The following BLK variants were observed in gnomAD, a reference collection of about 807,000 sequenced individuals.
The protein encoded by BLK is tyrosine-protein kinase Blk.
Under a neutral mutation model 61.8 loss-of-function variants are expected in BLK, and 64 were observed. That is an observed-to-expected ratio of 1.03 (90% CI 0.85 to 1.27). The LOEUF is 1.27. Ranked by LOEUF, BLK falls within the 50% of genes most tolerant of loss-of-function variation. The probability of loss-of-function intolerance (pLI) is 0.00; values close to 1 mark genes in which losing one functional copy is unlikely to be tolerated. For missense variants in BLK, 853 were observed against 660.5 expected (o/e 1.29, Z -3.19); for synonymous variants, 351 against 272.0 (o/e 1.29, Z -2.86).
chr8:11,548,109 C>T lies in BLK; in HGVS notation c.253C>T (p.Leu85=), dbSNP rs752039663. The T allele has an allele frequency of 4.3e-5, 69 of 1,613,300 alleles. 1 individual carries two copies. The South Asian group carries it at 7.1e-4, about 17-fold the overall frequency. The change falls in exon 4 of 13, where the codon CTA becomes TTA. Residue 85 remains leucine, a synonymous_variant. Transcript: ENST00000259089. Reference sequence around the variant, plus strand: ...CCTGCAGATGCTGAAGGGGGAGAAGCTACAGGTCCTGAAGGGGTGAGGTTC... The same window carrying T: ...CCTGCAGATGCTGAAGGGGGAGAAGTTACAGGTCCTGAAGGGGTGAGGTTC... ...RDLQMLKGEK[L]QVLKGTGDWW...
At chr8:11,540,826 C>A (rs35451117) in intron 1 of BLK, among the ~76,000 whole-genome samples, 20,661 of 148,506 alleles carry the variant, frequency 0.14, 1,621 homozygotes, top group East Asian at 0.25. Flanking sequence ...GAACAGATAA[C>A]CCCACTGTTA....
At chr8:11,555,050 G>A (rs1458853325) in intron 7 of BLK, among the ~76,000 whole-genome samples, 161 bp downstream of exon 7, 1 of 152,188 alleles carries the variant, frequency 6.6e-6, no homozygotes, top group East Asian at 1.9e-4. Flanking sequence ...ACCGGGAATT[G>A]GTGGCCCTAA....
chr8:11,555,968 C>G (rs1470162425), intron 8 of BLK: 5 of 292,918 alleles, frequency 1.7e-5, no homozygotes, highest in Non-Finnish European at 3.3e-5. Context: ...CCCTTCCCCC[C>G]CCCGCCCACC....
At chr8:11,531,965 T>C (rs1028136021) in intron 1 of BLK, among the ~76,000 whole-genome samples, 4 of 152,070 alleles carry the variant, frequency 2.6e-5, no homozygotes, top group African/African-American at 9.7e-5. Flanking sequence ...TTCAAGTGAT[T>C]CTTCTGCATC....
At position 11,554,086 on chromosome 8, in the gene BLK, C is replaced by T. The variant is rs146503468; in HGVS notation, c.473-657C>T. ...CATGGTACCCAAGTAGCTGGACAGA[C>T]GCATTTTATAAAAACATCAAGTTCA... On this transcript the variant is annotated intron_variant, in intron 6 of 12. Coordinates refer to ENST00000259089, the MANE Select transcript of BLK (RefSeq NM_001715.3). 5.5e-3 allele frequency: 862 copies of T among 155,434 alleles called. 6 individuals carry two copies. The highest frequency in any genetic ancestry group is 0.02 in the African/African-American group (815 of 41,556). 9.6% of individuals were successfully genotyped at this position (155,434 alleles called of 1,614,324 possible).
intron 6 of BLK, 45 bp downstream of exon 6, chr8:11,550,307 G>T (rs766430463): frequency 1.3e-6 from 2 of 1,585,100 alleles, no homozygotes; most frequent in South Asian, 1.1e-5. Context: ...TGCTCCTCCC[G>T]GGAAGGCGCC....
chr8:11,512,964 G>C (rs574378395), intron 1 of BLK, among the ~76,000 whole-genome samples: 124 of 152,332 alleles, frequency 8.1e-4, no homozygotes, highest in Non-Finnish European at 1.5e-3. Flanking sequence ...ACCGCGGCTG[G>C]TCAGATTATT....
chr8:11,507,023 C>A (rs941744778), intron 1 of BLK, among the ~76,000 whole-genome samples: 2 of 152,204 alleles, frequency 1.3e-5, no homozygotes, highest in African/African-American at 2.4e-5. Flanking sequence ...GGGAAAATAA[C>A]AAATAGGAGG....
chr8:11,506,155 G>T (rs1431375685), intron 1 of BLK, among the ~76,000 whole-genome samples: 1 of 152,210 alleles, frequency 6.6e-6, no homozygotes, highest in Non-Finnish European at 1.5e-5. Context: ...TCACGCAGAA[G>T]GTTACCAGCC....
At chr8:11,535,174 T>A (rs1005968131) in intron 1 of BLK, among the ~76,000 whole-genome samples, 11 of 126,894 alleles carry the variant, frequency 8.7e-5, no homozygotes, top group African/African-American at 3.3e-4. Flanking sequence ...GACAGACAGA[T>A]GAATGAAAGA....
chr8:11,513,132 AT>A (rs943780690), intron 1 of BLK, among the ~76,000 whole-genome samples: 81 of 152,246 alleles, frequency 5.3e-4, no homozygotes, highest in African/African-American at 1.9e-3. Flanking sequence ...CCTACTGTCC[AT>A]GCCCACGGCC....
At chr8:11,518,785 C>T (rs1400481887) in intron 1 of BLK, among the ~76,000 whole-genome samples, 2 of 152,172 alleles carry the variant, frequency 1.3e-5, no homozygotes, top group African/African-American at 4.8e-5. Flanking sequence ...CTCCTCTCAC[C>T]ATCCCTGGCT....
intron 6 of BLK, chr8:11,553,635 G>C (rs1243388370): frequency 1.1e-5 from 2 of 180,314 alleles, no homozygotes; most frequent in Non-Finnish European, 2.4e-5. Context: ...GCCAGGCTCG[G>C]GTTCCTTAGA....
chr8:11,534,252 AAAAGTTAAAAATTG>A (rs1432086874), intron 1 of BLK, among the ~76,000 whole-genome samples: 7 of 152,376 alleles, frequency 4.6e-5, no homozygotes, highest in African/African-American at 1.7e-4. Context: ...AAACAATGCA[AAAAGTTAAAAATTG>A]AAAAATAGGT....
intron 1 of BLK, among the ~76,000 whole-genome samples, chr8:11,499,319 G>A (rs147888868): frequency 3.5e-4 from 53 of 152,300 alleles, no homozygotes; most frequent in Non-Finnish European, 6.2e-4. Flanking sequence ...TTTTGTATAC[G>A]ATGTTCGCAG....
chr8:11,504,412 A>AAAAGAAAAGAAAAG lies in BLK; in HGVS notation c.-2+9824_-2+9825insGAAAAGAAAAGAAA, dbSNP rs149656194. ...AAAAGAAAAGAAAAGAAAAGAAAAG[A>AAAAGAAAAGAAAAG]AAAAAAAAAGAAAAGATCCCATTCA... On this transcript the variant is annotated intron_variant, in intron 1 of 12. Coordinates refer to ENST00000259089, the MANE Select transcript of BLK (RefSeq NM_001715.3). 7.3e-3 allele frequency among the ~76,000 whole-genome samples: 1,029 copies of AAAAGAAAAGAAAAG among 140,574 alleles called. 21 individuals carry two copies. The highest frequency in any genetic ancestry group is 0.027 in the African/African-American group (963 of 35,290). 92.2% of individuals were successfully genotyped at this position (140,574 alleles called of 152,430 possible). A position where few individuals can be genotyped will look rare whatever the true frequency, so the allele number is the denominator to read the frequency against.
chr8:11,559,529 ACAAACACG>A (rs748860316), intron 10 of BLK, among the ~76,000 whole-genome samples: 1 of 152,066 alleles, frequency 6.6e-6, no homozygotes, highest in African/African-American at 2.4e-5. Context: ...AAACACACAC[ACAAACACG>A]CAAACTTACA....
At chr8:11,536,013 C>A (rs1057058951) in intron 1 of BLK, among the ~76,000 whole-genome samples, 1 of 152,196 alleles carries the variant, frequency 6.6e-6, no homozygotes, top group Non-Finnish European at 1.5e-5. Context: ...GAGTTATATA[C>A]GAACCTTGTT....
At chr8:11,558,362 C>G in intron 10 of BLK, 1 of 393,984 alleles carries the variant, frequency 2.5e-6, no homozygotes, top group East Asian at 6.0e-5. Context: ...ACAGAGTTAG[C>G]AAGAGTTCCA....
Sources: gnomAD v4.1 joint callset for allele counts (sites outside exome capture counted in the v4.1 genomes callset) on GRCh38, gnomAD v4.1.1 for gene constraint, MANE v1.5 for transcripts, NCBI Gene and HGNC (gene_info 2026-07-23, HGNC 2026-07-21) for gene names.